The following MRTFB variants were observed in gnomAD, a reference collection of about 807,000 sequenced individuals.
The protein encoded by MRTFB is myocardin related transcription factor B, also known as myocardin-related transcription factor B.
Under a neutral mutation model 104.2 loss-of-function variants are expected in MRTFB, and 29 were observed. That is an observed-to-expected ratio of 0.28 (90% CI 0.21 to 0.38). MRTFB has a LOEUF of 0.38. MRTFB is among the 10% of genes least tolerant of loss of function. MRTFB has a pLI of 1.00. For synonymous variants in MRTFB, 535 were observed against 519.5 expected, an observed-to-expected ratio of 1.03 and a Z score of -0.41; for missense variants, 1,270 against 1,341.6, an observed-to-expected ratio of 0.95 and a Z score of 0.83.
At chr16:14,174,260 TATTA>T (rs1219268853) in intron 3 of MRTFB, among the ~76,000 whole-genome samples, 2 of 152,246 alleles carry the variant, frequency 1.3e-5, no homozygotes, top group African/African-American at 4.8e-5. Flanking sequence ...TAAAGCCTCC[TATTA>T]ATTGTGTCTA....
At chr16:14,065,788 C>G in the MRTFB span, among the ~76,000 whole-genome samples, 1 of 152,032 alleles carries the variant, frequency 6.6e-6, no homozygotes, top group Admixed American at 6.6e-5. Context: ...TCTGGTCCAC[C>G]CTGCCCTCCC....
At chr16:14,180,899 TGTG>T (rs528851746) in intron 3 of MRTFB, among the ~76,000 whole-genome samples, 51 of 152,284 alleles carry the variant, frequency 3.3e-4, no homozygotes, top group African/African-American at 1.1e-3. Context: ...TTGGCCCTGT[TGTG>T]GTGTTCAATT....
chr16:14,173,096 T>A (rs1368050089), intron 3 of MRTFB, among the ~76,000 whole-genome samples: 1 of 152,204 alleles, frequency 6.6e-6, no homozygotes, highest in East Asian at 1.9e-4. Context: ...AGATCCCAGA[T>A]CTCTGATCCT....
chr16:14,225,394 AT>A (rs763300658), intron 8 of MRTFB, among the ~76,000 whole-genome samples: 4 of 151,788 alleles, frequency 2.6e-5, no homozygotes, highest in African/African-American at 7.3e-5. Flanking sequence ...AAGAAGTAGC[AT>A]TTTTTTATGT....
the MRTFB span, among the ~76,000 whole-genome samples, chr16:14,063,468 T>C: frequency 0.041 from 6,304 of 152,234 alleles, 455 homozygotes; most frequent in African/African-American, 0.14. Context: ...ATCAGCATGG[T>C]ATCCAATAGG....
At chr16:14,079,526 G>A (rs1243393363) in intron 2 of MRTFB, among the ~76,000 whole-genome samples, 172 bp downstream of exon 2, 2 of 152,124 alleles carry the variant, frequency 1.3e-5, no homozygotes, top group East Asian at 3.9e-4. Context: ...GACTGTTCAA[G>A]TAAGTTCATT....
At chr16:14,051,619 A>G in the MRTFB span, among the ~76,000 whole-genome samples, 1 of 152,028 alleles carries the variant, frequency 6.6e-6, no homozygotes, top group South Asian at 2.1e-4. Context: ...ACATTCACAC[A>G]CATAGATATA....
chr16:14,067,431 C>T (rs1217024830), upstream of MRTFB, among the ~76,000 whole-genome samples: 1 of 152,042 alleles, frequency 6.6e-6, no homozygotes, highest in Non-Finnish European at 1.5e-5. Flanking sequence ...CCATGTTGGC[C>T]AGGCTGGTCT....
At chr16:14,173,979 C>G (rs1474944378) in intron 3 of MRTFB, among the ~76,000 whole-genome samples, 1 of 152,060 alleles carries the variant, frequency 6.6e-6, no homozygotes, top group Non-Finnish European at 1.5e-5. Flanking sequence ...TCAAGGTACA[C>G]AATCCTTTTT....
chr16:14,019,872 G>A, the MRTFB span, among the ~76,000 whole-genome samples: 1 of 152,206 alleles, frequency 6.6e-6, no homozygotes, highest in East Asian at 1.9e-4. Flanking sequence ...AACACAGAGG[G>A]AGTAAGATGG....
chr16:14,219,624 A>C (rs1033366709), intron 8 of MRTFB, among the ~76,000 whole-genome samples: 6 of 152,218 alleles, frequency 3.9e-5, no homozygotes, highest in Non-Finnish European at 8.8e-5. Context: ...TACAAGAGGC[A>C]GTCTGGGTTC....
At chr16:14,211,923 A>G (rs898705697) in intron 4 of MRTFB, among the ~76,000 whole-genome samples, 1 of 152,210 alleles carries the variant, frequency 6.6e-6, no homozygotes, top group African/African-American at 2.4e-5. Flanking sequence ...CGGGTTCTAA[A>G]TAAATGATAC....
chr16:14,238,066 A>C (rs1203180085), intron 9 of MRTFB, among the ~76,000 whole-genome samples: 1 of 152,118 alleles, frequency 6.6e-6, no homozygotes, highest in African/African-American at 2.4e-5. Context: ...GGTTCTCAGC[A>C]GGGGTAAGTT....
the MRTFB span, among the ~76,000 whole-genome samples, chr16:14,003,576 C>G: frequency 6.6e-6 from 1 of 152,086 alleles, no homozygotes; most frequent in East Asian, 1.9e-4. Context: ...GCAGGGAAGA[C>G]CACTGCTTGA....
chr16:14,247,272 C>A lies in MRTFB; in HGVS notation c.2012C>A (p.Thr671Asn), dbSNP rs1003911009. Residue 671 changes from threonine to asparagine, a missense_variant, in exon 12 of 17, where the codon ACC (threonine) becomes AAC (asparagine). By Grantham distance (65) the Thr-to-Asn change is moderately conservative (BLOSUM62 0). Transcript: ENST00000571589. ...CAGCCCGTCTCTACAGGTGGCCAGA[C>A]CCTTGTTGCCAAAAAGGCTGTAGTT... is the stretch of plus-strand genomic sequence containing the variant. ...VGQPVSTGGQ[T>N]LVAKKAVVIK... The A allele has an allele frequency of 7.4e-6, 12 of 1,614,210 alleles. No individual in the cohort carries two copies. The highest frequency in any genetic ancestry group is 1.3e-5 in the African/African-American group (1 of 75,052).
chr16:14,093,807 A>C (rs1229850108), intron 2 of MRTFB, among the ~76,000 whole-genome samples: 1 of 152,214 alleles, frequency 6.6e-6, no homozygotes. Context: ...TTTCTGTGCC[A>C]GGATCCCAGA....
the MRTFB span, among the ~76,000 whole-genome samples, chr16:14,005,836 G>T: frequency 6.6e-6 from 1 of 152,090 alleles, no homozygotes; most frequent in Non-Finnish European, 1.5e-5. Context: ...AAAATGCCTG[G>T]GAAATTATTT....
At chr16:14,020,025 A>C in the MRTFB span, among the ~76,000 whole-genome samples, 8 of 152,228 alleles carry the variant, frequency 5.3e-5, no homozygotes, top group African/African-American at 1.9e-4. Context: ...ACAGTACCTA[A>C]GCATGTGATA....
chr16:14,040,482 A>G, the MRTFB span, among the ~76,000 whole-genome samples: 1 of 111,226 alleles, frequency 9.0e-6, no homozygotes, highest in African/African-American at 2.9e-5. Context: ...TTTTTTTTTG[A>G]GATGGAGTCT....
Sources: gnomAD v4.1 joint callset for allele counts (sites outside exome capture counted in the v4.1 genomes callset) on GRCh38, gnomAD v4.1.1 for gene constraint, MANE v1.5 for transcripts, NCBI Gene and HGNC (gene_info 2026-07-23, HGNC 2026-07-21) for gene names.